Variants in MEGF11 observed in about 807,000 individuals in gnomAD.
MEGF11 encodes multiple epidermal growth factor-like domains protein 11.
MEGF11 carries 126 observed loss-of-function variants against 146.6 expected under a neutral mutation model. The ratio of observed to expected loss-of-function variants is 0.86; its 90% CI spans 0.74 to 1.00. The LOEUF is 1.00. Ranked by LOEUF, MEGF11 falls within the 50% of genes least tolerant of loss-of-function variation. The probability of loss-of-function intolerance (pLI) is 0.00; values close to 1 mark genes in which losing one functional copy is unlikely to be tolerated. For missense variants in MEGF11, 1,509 were observed against 1,521.2 expected, an observed-to-expected ratio of 0.99 and a Z score of 0.13; for synonymous variants, 532 against 583.4, an observed-to-expected ratio of 0.91 and a Z score of 1.27.
intron 10 of MEGF11, among the ~76,000 whole-genome samples, chr15:65,934,136 A>G (rs2079680693): frequency 6.6e-6 from 1 of 152,226 alleles, no homozygotes; most frequent in Admixed American, 6.5e-5. Context: ...CACTGTTCCA[A>G]ACACTTTGCA....
intron 5 of MEGF11, among the ~76,000 whole-genome samples, chr15:66,039,097 G>T (rs953746678): frequency 1.3e-5 from 2 of 152,218 alleles, no homozygotes; most frequent in African/African-American, 4.8e-5. Context: ...AATGATAAAT[G>T]GGTCCATTTT....
rs1179145588 is a variant in MEGF11, at chr15:65,913,750, G to C, written c.2697C>G (p.Asp899Glu). The C allele has an allele frequency of 6.2e-7, 1 of 1,612,392 alleles. No individual in the cohort carries two copies. Among genetic ancestry groups the C allele is most frequent in the African/African-American group, 1.3e-5 (1 of 74,906 alleles). ...YTPAMRMTST[D>E]YSLSDLSQSS... is the part of the protein sequence containing the mutation. ...CATGGCCCTTACCTGAGAGGGAGTAGTCGGTGCTGGTCATCCTCATGGCAG... is the reference window on the plus strand; with the variant it reads ...CATGGCCCTTACCTGAGAGGGAGTACTCGGTGCTGGTCATCCTCATGGCAG... The change falls in exon 20 of 26, where the codon GAC (aspartate) becomes GAG (glutamate). Residue 899 changes from aspartate to glutamate, a missense_variant. By Grantham distance (45) the Asp-to-Glu change is conservative (BLOSUM62 2). Transcript: ENST00000395614.
At chr15:65,949,440 C>T (rs1397852926) in intron 10 of MEGF11, among the ~76,000 whole-genome samples, 3 of 152,184 alleles carry the variant, frequency 2.0e-5, no homozygotes, top group Admixed American at 6.5e-5. Flanking sequence ...TGCCTGCTCC[C>T]CTCGCCAGCA....
chr15:66,035,074 C>T (rs559400416), intron 5 of MEGF11, among the ~76,000 whole-genome samples: 28 of 152,222 alleles, frequency 1.8e-4, no homozygotes, highest in Admixed American at 1.4e-3. Context: ...ATTAATTACC[C>T]GGTCTGTGGC....
At chr15:65,929,387 G>A (rs1459291909) in intron 12 of MEGF11, among the ~76,000 whole-genome samples, 1 of 152,192 alleles carries the variant, frequency 6.6e-6, no homozygotes, top group African/African-American at 2.4e-5. Flanking sequence ...GGATTAGTAA[G>A]GGCTGTCTTG....
At chr15:66,092,018 TG>T (rs1209661808) in intron 5 of MEGF11, among the ~76,000 whole-genome samples, 1 of 152,220 alleles carries the variant, frequency 6.6e-6, no homozygotes, top group Non-Finnish European at 1.5e-5. Flanking sequence ...ACACAGACTG[TG>T]GTCTTATCCA....
At chr15:65,978,715 G>C (rs975278246) in intron 7 of MEGF11, among the ~76,000 whole-genome samples, 1 of 152,186 alleles carries the variant, frequency 6.6e-6, no homozygotes, top group Non-Finnish European at 1.5e-5. Flanking sequence ...GAGATGAGAG[G>C]GTCTTTCCAG....
chr15:65,926,298 C>T (rs2141279704), intron 13 of MEGF11, among the ~76,000 whole-genome samples: 1 of 152,370 alleles, frequency 6.6e-6, no homozygotes, highest in Non-Finnish European at 1.5e-5. Flanking sequence ...TTTTCCTTAT[C>T]TGTGGCATGA....
At chr15:65,923,197 A>G (rs1310254774) in intron 13 of MEGF11, among the ~76,000 whole-genome samples, 1 of 152,216 alleles carries the variant, frequency 6.6e-6, no homozygotes, top group Non-Finnish European at 1.5e-5. Context: ...AAATGAAATT[A>G]TATGTACAAA....
Position 65,897,864 on chromosome 15 carries a change from T to G in MEGF11, c.*70A>C. On this transcript the variant is annotated 3_prime_UTR_variant, in exon 26 of 26. Transcript: ENST00000395614. Reference sequence around the variant, plus strand: ...AGCCAGTCTGTACCATTACTTCAAGTCAAGGGACTGTCTTCTTTCAGAGTC... The same window carrying G: ...AGCCAGTCTGTACCATTACTTCAAGGCAAGGGACTGTCTTCTTTCAGAGTC... 6.8e-7 allele frequency: 1 copy of G among 1,467,820 alleles called. No individual in the cohort carries two copies. Among genetic ancestry groups the G allele is most frequent in the Non-Finnish European group, 9.3e-7 (1 of 1,075,644 alleles). 90.9% of individuals were successfully genotyped at this position (1,467,820 alleles called of 1,614,324 possible).
chr15:66,236,298 G>T (rs2092089860), intron 1 of MEGF11, among the ~76,000 whole-genome samples: 1 of 152,164 alleles, frequency 6.6e-6, no homozygotes, highest in Non-Finnish European at 1.5e-5. Context: ...CCTTGACTCT[G>T]TGCTAATGAG....
chr15:66,094,632 A>G lies in MEGF11; in HGVS notation c.302-138T>C, dbSNP rs1040040324. ...AGAACGCATGACTGGCTTGGGGGGG[A>G]AAATCAAGCTACACCTGACCTGAGT... On this transcript the variant is annotated intron_variant, in intron 4 of 25. Coordinates refer to ENST00000395614, the MANE Select transcript of MEGF11 (RefSeq NM_001385028.1). 1,330 of 663,324 alleles carry G rather than the reference A, an allele frequency of 2.0e-3. 10 individuals are homozygous for G. Among genetic ancestry groups the G allele is most frequent in the Non-Finnish European group, 1.6e-3 (596 of 380,190 alleles). 41.1% of individuals were successfully genotyped at this position (663,324 alleles called of 1,614,324 possible). A position where few individuals can be genotyped will look rare whatever the true frequency, so the allele number is the denominator to read the frequency against.
intron 1 of MEGF11, among the ~76,000 whole-genome samples, chr15:66,203,994 G>A (rs1403853873): frequency 6.6e-6 from 1 of 152,012 alleles, no homozygotes; most frequent in Admixed American, 6.6e-5. Context: ...TGTAATCCCA[G>A]CACTTTGAGA....
chr15:65,953,705 A>G (rs2080481045), intron 10 of MEGF11, among the ~76,000 whole-genome samples: 1 of 152,142 alleles, frequency 6.6e-6, no homozygotes, highest in Admixed American at 6.5e-5. Flanking sequence ...TTCAGTGAAC[A>G]GGATTCCACT....
intron 1 of MEGF11, among the ~76,000 whole-genome samples, chr15:66,171,695 C>T (rs994188157): frequency 2.0e-5 from 3 of 151,754 alleles, no homozygotes; most frequent in African/African-American, 7.3e-5. Context: ...AGAACCCCCA[C>T]GCAACGCTCC....
intron 1 of MEGF11, among the ~76,000 whole-genome samples, chr15:66,214,030 C>CTTTTTTTTTTTTTTTTTTTTTT (rs11303068): frequency 1.1e-5 from 1 of 92,334 alleles, no homozygotes; most frequent in Non-Finnish European, 2.0e-5. Context: ...GAGCCGGCCA[C>CTTTTTTTTTTTTTTTTTTTTTT]TTTTTTTTTT....
At chr15:65,927,265 C>T (rs1056941754) in intron 13 of MEGF11, among the ~76,000 whole-genome samples, 2 of 152,134 alleles carry the variant, frequency 1.3e-5, no homozygotes, top group African/African-American at 4.8e-5. Context: ...GGATAATTAT[C>T]TGTATTTTAT....
chr15:66,243,444 C>T (rs911013277), intron 1 of MEGF11, among the ~76,000 whole-genome samples: 2 of 152,254 alleles, frequency 1.3e-5, no homozygotes, highest in Non-Finnish European at 2.9e-5. Context: ...CTGAGACACT[C>T]TCCATCCATT....
At chr15:66,173,455 A>G (rs2090316057) in intron 1 of MEGF11, among the ~76,000 whole-genome samples, 1 of 152,098 alleles carries the variant, frequency 6.6e-6, no homozygotes, top group South Asian at 2.1e-4. Context: ...AGCTGGGATT[A>G]CAGGTGCCCG....
Sources: allele counts gnomAD v4.1 joint callset (sites outside exome capture counted in the v4.1 genomes callset), GRCh38; gene constraint gnomAD v4.1.1; transcripts MANE v1.5; gene names NCBI Gene and HGNC (gene_info 2026-07-23, HGNC 2026-07-21).